The following SGMS1 variants were observed in gnomAD, a reference collection of about 807,000 sequenced individuals.
SGMS1 encodes sphingomyelin synthase 1, also known as phosphatidylcholine:ceramide cholinephosphotransferase 1.
SGMS1 carries 13 observed loss-of-function variants against 46.2 expected under a neutral mutation model. The observed-to-expected ratio is 0.28, with a 90% CI of 0.18 to 0.45. The LOEUF is 0.45. Ranked by LOEUF, SGMS1 falls within the 20% of genes least tolerant of loss-of-function variation. SGMS1 has a pLI of 1.00. For missense variants in SGMS1, 324 were observed against 519.9 expected (o/e 0.62, Z 3.66); for synonymous variants, 203 against 187.8 (o/e 1.08, Z -0.66).
At chr10:50,420,786 G>A (rs2133595407) in intron 6 of SGMS1, among the ~76,000 whole-genome samples, 1 of 152,178 alleles carries the variant, frequency 6.6e-6, no homozygotes, top group East Asian at 1.9e-4. Flanking sequence ...ATACAATTGT[G>A]TTTGTGTGTG....
At chr10:50,352,616 G>C (rs1364164825) in intron 6 of SGMS1, among the ~76,000 whole-genome samples, 2 of 152,276 alleles carry the variant, frequency 1.3e-5, no homozygotes, top group East Asian at 3.9e-4. Flanking sequence ...ATTGTGATTG[G>C]TCTAAAATCT....
At chr10:50,495,573 C>T (rs1837608366) in intron 3 of SGMS1, among the ~76,000 whole-genome samples, 2 of 152,108 alleles carry the variant, frequency 1.3e-5, no homozygotes, top group Admixed American at 1.3e-4. Context: ...GTTTATTCTA[C>T]AGATGTACTG....
chr10:50,397,106 C>G (rs1457440200), intron 6 of SGMS1, among the ~76,000 whole-genome samples: 1 of 152,208 alleles, frequency 6.6e-6, no homozygotes, highest in Non-Finnish European at 1.5e-5. Flanking sequence ...CCAACCCATT[C>G]TCTTCAAATG....
chr10:50,360,026 TC>T (rs1160632691), intron 6 of SGMS1, among the ~76,000 whole-genome samples: 2 of 152,184 alleles, frequency 1.3e-5, no homozygotes, highest in Non-Finnish European at 2.9e-5. Flanking sequence ...AAGGATTTTT[TC>T]CCCCAAACAT....
intron 2 of SGMS1, among the ~76,000 whole-genome samples, chr10:50,534,842 T>C (rs1395173424): frequency 6.6e-6 from 1 of 152,218 alleles, no homozygotes; most frequent in East Asian, 1.9e-4. Context: ...TTCTCACACC[T>C]TTCTTGTTTA....
chr10:50,624,509 TG>T, upstream of SGMS1: 3 of 835,786 alleles, frequency 3.6e-6, no homozygotes, highest in Non-Finnish European at 4.3e-6. Flanking sequence ...AAAAAGCCTC[TG>T]GCGACGCCTG....
At chr10:50,410,686 A>G (rs1849083361) in intron 6 of SGMS1, among the ~76,000 whole-genome samples, 1 of 152,180 alleles carries the variant, frequency 6.6e-6, no homozygotes, top group African/African-American at 2.4e-5. Flanking sequence ...GGCAAGACCA[A>G]TCTCTAATTC....
chr10:50,416,882 C>G (rs1849177229), intron 6 of SGMS1, among the ~76,000 whole-genome samples: 2 of 136,020 alleles, frequency 1.5e-5, no homozygotes, highest in African/African-American at 5.4e-5. Flanking sequence ...AATTTTCTTT[C>G]TCTCGCTAAA....
chr10:50,549,832 A>G (rs1328347375), intron 2 of SGMS1, among the ~76,000 whole-genome samples: 1 of 152,210 alleles, frequency 6.6e-6, no homozygotes, highest in Admixed American at 6.5e-5. Flanking sequence ...AAAATTTTAA[A>G]TGCCAGGAGC....
chr10:50,317,613 T>C (rs1181384571), intron 8 of SGMS1, among the ~76,000 whole-genome samples: 2 of 152,160 alleles, frequency 1.3e-5, no homozygotes, highest in Non-Finnish European at 1.5e-5. Flanking sequence ...GGCTGGACAA[T>C]TTCTCCAGGT....
intron 6 of SGMS1, among the ~76,000 whole-genome samples, chr10:50,388,471 T>TAAAA (rs56992240): frequency 1.2e-5 from 1 of 85,116 alleles, no homozygotes; most frequent in Non-Finnish European, 2.5e-5. Context: ...CTGTCTCTAC[T>TAAAA]AAAAAAAAAA....
At chr10:50,544,265 G>T (rs888803391) in intron 2 of SGMS1, among the ~76,000 whole-genome samples, 1 of 152,168 alleles carries the variant, frequency 6.6e-6, no homozygotes, top group Non-Finnish European at 1.5e-5. Flanking sequence ...TGAGGAAACT[G>T]AAGCCCAGAA....
chr10:50,491,077 T>G (rs570961634), intron 3 of SGMS1, among the ~76,000 whole-genome samples: 32 of 152,238 alleles, frequency 2.1e-4, no homozygotes, highest in African/African-American at 7.5e-4. Context: ...CCAGGTACAG[T>G]GGCTCATGCC....
chr10:50,608,762 T>C (rs966645197), intron 1 of SGMS1, among the ~76,000 whole-genome samples: 1 of 152,154 alleles, frequency 6.6e-6, no homozygotes, highest in Non-Finnish European at 1.5e-5. Flanking sequence ...ATTCTTTTTG[T>C]AGACTTCCTA....
intron 6 of SGMS1, among the ~76,000 whole-genome samples, chr10:50,432,789 T>G (rs1406268848): frequency 6.6e-6 from 1 of 152,126 alleles, no homozygotes; most frequent in Non-Finnish European, 1.5e-5. Flanking sequence ...TACAGATGAG[T>G]TGACTAAGGT....
At chr10:50,624,564 A>G, upstream of SGMS1, 1 of 984,084 alleles carries the variant, frequency 1.0e-6, no homozygotes, top group Non-Finnish European at 1.2e-6. Flanking sequence ...GCGAGGTGAA[A>G]ACTCCGACTG....
At chr10:50,475,822 T>C (rs772103744) in intron 3 of SGMS1, among the ~76,000 whole-genome samples, 5 of 152,218 alleles carry the variant, frequency 3.3e-5, no homozygotes, top group African/African-American at 1.2e-4. Context: ...TCCACCATGA[T>C]TGTTAAATTT....
In SGMS1 at chr10:50,623,859, G is replaced by A. The variant is rs1402791520; in HGVS notation, c.-836C>T. 5 of 985,728 alleles carry A rather than the reference G, an allele frequency of 5.1e-6. No homozygotes were observed. The highest frequency in any genetic ancestry group is 6.0e-6 in the Non-Finnish European group (5 of 830,372). The allele number at this position is 985,728 out of a possible 1,614,324, so 61.1% of individuals were successfully genotyped here. A position where few individuals can be genotyped will look rare whatever the true frequency, so the allele number is the denominator to read the frequency against. ...GAGGGGAGAGCAGTCAGCCCAGGCC[G>A]GTCCTTCTCACTCCCGACCTGCCCG... On this transcript the variant is annotated 5_prime_UTR_variant, in exon 1 of 11. Coordinates refer to ENST00000361781, the MANE Select transcript of SGMS1 (RefSeq NM_147156.4).
chr10:50,400,396 CATATATATATATATATATATATATATAT>C lies in SGMS1; in HGVS notation c.-232+33052_-232+33079del, dbSNP rs10524155. Among the ~76,000 whole-genome samples the C allele has an allele frequency of 5.6e-3, 555 of 98,770 alleles. 15 individuals are homozygous for C. The highest frequency in any genetic ancestry group is 0.011 in the South Asian group (28 of 2,624). 64.8% of individuals were successfully genotyped at this position (98,770 alleles called of 152,430 possible). A position where few individuals can be genotyped will look rare whatever the true frequency, so the allele number is the denominator to read the frequency against. On this transcript the variant is annotated intron_variant, in intron 6 of 10. Transcript: ENST00000361781. The stretch of plus-strand genomic sequence containing the variant: ...ACAAGACCTATAGAACACATCCTGG[CATATATATATATATATATATATATATAT>C]ATATATATATATATATATATATATA...
Sources: allele counts gnomAD v4.1 joint callset (sites outside exome capture counted in the v4.1 genomes callset), GRCh38; gene constraint gnomAD v4.1.1; transcripts MANE v1.5; gene names NCBI Gene and HGNC (gene_info 2026-07-23, HGNC 2026-07-21).